COQ2: variants seen among roughly 807,000 people sequenced by gnomAD.
COQ2 encodes coenzyme Q2, polyprenyltransferase.
COQ2 carries 25 observed loss-of-function variants against 35.7 expected under a neutral mutation model. That is an observed-to-expected ratio of 0.70 (90% CI 0.51 to 0.98). The LOEUF (loss-of-function observed/expected upper bound fraction) is 0.98, where lower values mean the gene tolerates loss of function less well. Among genes scored for constraint, COQ2 ranks in the 50% least tolerant of loss-of-function variants. The probability of loss-of-function intolerance (pLI) is 0.00; values close to 1 mark genes in which losing one functional copy is unlikely to be tolerated. For synonymous variants in COQ2, 206 were observed against 186.2 expected, an observed-to-expected ratio of 1.11 and a Z score of -0.86; for missense variants, 488 against 473.5, an observed-to-expected ratio of 1.03 and a Z score of -0.28.
At chr4:83,283,884 G>A in intron 1 of COQ2, 1 of 985,224 alleles carries the variant, frequency 1.0e-6, no homozygotes, top group Non-Finnish European at 1.2e-6. Context: ...TCTTTCTGTC[G>A]GGGGCGATTG....
chr4:83,273,732 A>T, intron 2 of COQ2, 115 bp from the exon 3 acceptor site: 1 of 1,021,028 alleles, frequency 9.8e-7, no homozygotes, highest in South Asian at 1.5e-5. Context: ...GAGAGAAATC[A>T]ACATTTTAAG....
chr4:83,284,821 C>T (rs770651250), upstream of COQ2: 150 of 1,564,598 alleles, frequency 9.6e-5, no homozygotes, highest in Non-Finnish European at 1.2e-4. Context: ...CAGGCATGCG[C>T]AGTGGCACCC....
intron 2 of COQ2, among the ~76,000 whole-genome samples, chr4:83,277,365 G>A (rs537530690): frequency 7.9e-5 from 12 of 152,192 alleles, no homozygotes; most frequent in African/African-American, 1.2e-4. Context: ...TCTCACAGCC[G>A]TGCCTCTGGA....
At chr4:83,273,941 C>G (rs1475166504) in intron 2 of COQ2, among the ~76,000 whole-genome samples, 5 of 113,054 alleles carry the variant, frequency 4.4e-5, no homozygotes, top group Admixed American at 3.9e-4. Context: ...GCCATGAGTT[C>G]AAGACCAGAC....
chr4:83,275,249 A>G (rs1735139278), intron 2 of COQ2, among the ~76,000 whole-genome samples: 1 of 152,190 alleles, frequency 6.6e-6, no homozygotes, highest in Non-Finnish European at 1.5e-5. Flanking sequence ...ACATTTAAGT[A>G]TTATGTCATG....
rs760562820 is a variant in COQ2, at chr4:83,278,942, A to G, written c.420+6T>C. On this transcript the variant is annotated splice_donor_region_variant and intron_variant, in intron 2 of 6. Transcript: ENST00000647002. ...GCCTCTCTATTCCTTTTCAGGATGA[A>G]ATTACCTTTTTATCATAGTCCTGGT... 9 of 1,569,862 alleles carry G rather than the reference A, an allele frequency of 5.7e-6. No homozygotes were observed. Among genetic ancestry groups the G allele is most frequent in the Non-Finnish European group, 6.9e-6 (8 of 1,161,116 alleles).
At position 83,276,050 on chromosome 4, in the gene COQ2, ATTATATATAATATATATTTTATATATAAT is replaced by A. The variant is rs1560494754; in HGVS notation, c.421-2462_421-2434del. Among the ~76,000 whole-genome samples the A allele has an allele frequency of 1.6e-3, 23 of 14,422 alleles. No individual in the cohort carries two copies. The East Asian group carries it at 0.24, about 150-fold the overall frequency. The allele number at this position is 14,422 out of a possible 152,430, so 9.5% of individuals were successfully genotyped here. A position where few individuals can be genotyped will look rare whatever the true frequency, so the allele number is the denominator to read the frequency against. On this transcript the variant is annotated intron_variant, in intron 2 of 6. Coordinates refer to ENST00000647002, the MANE Select transcript of COQ2 (RefSeq NM_001358921.2). ...TTTTTATATAATATATAAAATATAT[ATTATATATAATATATATTTTATATATAAT>A]ATATATATACATATTCATATATATA... is the stretch of plus-strand genomic sequence containing the variant.
intron 2 of COQ2, among the ~76,000 whole-genome samples, chr4:83,273,942 A>G (rs1168558212): frequency 6.7e-6 from 1 of 148,550 alleles, no homozygotes; most frequent in Non-Finnish European, 1.5e-5. Flanking sequence ...CCATGAGTTC[A>G]AGACCAGACT....
intron 1 of COQ2, chr4:83,284,210 T>G (rs1020153041): frequency 2.0e-6 from 2 of 985,304 alleles, no homozygotes; most frequent in Non-Finnish European, 2.4e-6. Context: ...CCGCTTCAGG[T>G]GCTCAGGATG....
chr4:83,264,294 G>A lies in COQ2; in HGVS notation c.1021C>T (p.Leu341=), dbSNP rs765156955. Residue 341 remains leucine (L), a synonymous_variant, in exon 7 of 7, where the codon CTA becomes TTA. Coordinates refer to ENST00000647002, the MANE Select transcript of COQ2 (RefSeq NM_001358921.2). ...NKFISNRTLG[L]IVFLGIVLGN... ...AGGACAATCCCTAAAAAAACTATTA[G>A]TCCCAGTGTTCGGTTGGAGATAAAT... 3.1e-6 allele frequency: 5 copies of A among 1,611,832 alleles called. No homozygotes were observed. The highest frequency in any genetic ancestry group is 2.2e-5 in the East Asian group (1 of 44,746).
chr4:83,267,490 G>T (rs1269057488), intron 6 of COQ2, 96 bp downstream of exon 6: 44 of 1,151,764 alleles, frequency 3.8e-5, no homozygotes, highest in Non-Finnish European at 4.6e-5. Flanking sequence ...TGTTTAAGAA[G>T]TTCCTTGCCA....
chr4:83,270,475 C>A (rs1488731304), intron 4 of COQ2, among the ~76,000 whole-genome samples: 1 of 152,148 alleles, frequency 6.6e-6, no homozygotes, highest in Non-Finnish European at 1.5e-5. Context: ...TGTAAACAAA[C>A]ACCTACATGT....
intron 6 of COQ2, chr4:83,267,185 G>A (rs1344621143): frequency 4.4e-6 from 2 of 453,734 alleles, no homozygotes; most frequent in Non-Finnish European, 8.8e-6. Flanking sequence ...AGACCAGCCT[G>A]GGCAAAATCT....
intron 1 of COQ2, among the ~76,000 whole-genome samples, chr4:83,280,650 A>G (rs1735298419): frequency 6.6e-6 from 1 of 152,248 alleles, no homozygotes; most frequent in African/African-American, 2.4e-5. Flanking sequence ...GCAAAGGCAT[A>G]AAACAAAACT....
chr4:83,284,213 T>C, intron 1 of COQ2: 1 of 985,470 alleles, frequency 1.0e-6, no homozygotes, highest in Non-Finnish European at 1.2e-6. Context: ...CTTCAGGTGC[T>C]CAGGATGCAG....
chr4:83,271,234 C>T (rs774356584), intron 4 of COQ2, among the ~76,000 whole-genome samples: 8 of 152,142 alleles, frequency 5.3e-5, no homozygotes, highest in Non-Finnish European at 1.0e-4. Context: ...AAATGCTGGG[C>T]CACAATTTAT....
In COQ2 at chr4:83,284,733, C is replaced by G; in HGVS notation, c.32G>C (p.Arg11Pro). The G allele has an allele frequency of 6.6e-7, 1 of 1,522,782 alleles. No individual in the cohort carries two copies. Among genetic ancestry groups the G allele is most frequent in the South Asian group, 1.2e-5 (1 of 81,862 alleles). 94.3% of individuals were successfully genotyped at this position (1,522,782 alleles called of 1,614,324 possible). The change falls in exon 1 of 7, where the codon CGG becomes CCG. Residue 11 changes from arginine to proline, a missense_variant. Transcript: ENST00000647002. ...CGCCAGTGCCACAGCCCGCAGGCCC[C>G]GCGCGAACCCCGCGGCTCGCGAGCC... Reference protein sequence around the residue: MLGSRAAGFARGLRAVALAWL... With the variant: MLGSRAAGFAPGLRAVALAWL...
chr4:83,284,885 C>T (rs183012002), upstream of COQ2: 9,501 of 1,523,936 alleles, frequency 6.2e-3, 46 homozygotes, highest in Non-Finnish European at 7.9e-3. Flanking sequence ...CAGAACCTTT[C>T]CTCATCCTTA....
chr4:83,267,886 C>A (rs1221350681), intron 5 of COQ2, 112 bp from the exon 6 acceptor site: 2 of 832,892 alleles, frequency 2.4e-6, no homozygotes, highest in Non-Finnish European at 3.7e-6. Flanking sequence ...CAAGGTTGTG[C>A]AACCAATTAC....
Sources: allele counts gnomAD v4.1 joint callset (sites outside exome capture counted in the v4.1 genomes callset), GRCh38; gene constraint gnomAD v4.1.1; transcripts MANE v1.5; gene names NCBI Gene and HGNC (gene_info 2026-07-23, HGNC 2026-07-21).